The following CRISP1 variants were observed in gnomAD, a reference collection of about 807,000 sequenced individuals.
CRISP1 encodes the protein cysteine-rich secretory protein 1.
CRISP1 carries 44 observed loss-of-function variants against 33.1 expected under a neutral mutation model. That is an observed-to-expected ratio of 1.33 (90% CI 1.05 to 1.71). CRISP1 has a LOEUF of 1.71. CRISP1 is among the 40% of genes most tolerant of loss of function. CRISP1 has a pLI of 0.00. For synonymous variants in CRISP1, 103 were observed against 98.7 expected, an observed-to-expected ratio of 1.04 and a Z score of -0.26; for missense variants, 390 against 301.2, an observed-to-expected ratio of 1.29 and a Z score of -2.18.
At chr6:49,854,477 C>T (rs1771438614) in intron 2 of CRISP1, among the ~76,000 whole-genome samples, 1 of 152,162 alleles carries the variant, frequency 6.6e-6, no homozygotes, top group African/African-American at 2.4e-5. Flanking sequence ...AAGCGATTCT[C>T]CTGCCTCAGC....
intron 1 of CRISP1, 102 bp from the exon 2 acceptor site, chr6:49,857,504 C>A: frequency 9.1e-7 from 1 of 1,094,920 alleles, no homozygotes; most frequent in Non-Finnish European, 1.3e-6. Flanking sequence ...CATTTTTTTT[C>A]CTAAAAGAAA....
At chr6:49,871,671 T>C (rs1423527987) in intron 1 of CRISP1, among the ~76,000 whole-genome samples, 5 of 151,400 alleles carry the variant, frequency 3.3e-5, no homozygotes, top group Non-Finnish European at 1.5e-5. Flanking sequence ...GTCCTTGTGA[T>C]AGTTTGCTGA....
rs1770881279 is a variant in CRISP1 at position 49,838,578 on chromosome 6, A to T, written c.534-53T>A. 4.3e-6 allele frequency: 6 copies of T among 1,382,320 alleles called. No individual in the cohort carries two copies. In the Admixed American group the frequency reaches 5.4e-5, roughly 12 times the overall value. The allele number at this position is 1,382,320 out of a possible 1,614,324, so 85.6% of individuals were successfully genotyped here. On this transcript the variant is annotated intron_variant, in intron 6 of 7. Transcript: ENST00000335847. ...AACCCATCTTTGAAAAACTCACATA[A>T]AACTTTACTCACAGTGTACAACCAA...
At chr6:49,858,818 G>A (rs1208621426) in intron 1 of CRISP1, among the ~76,000 whole-genome samples, 1 of 151,992 alleles carries the variant, frequency 6.6e-6, no homozygotes, top group African/African-American at 2.4e-5. Context: ...GAGGGGAGGG[G>A]CTTCAAGAAA....
intron 1 of CRISP1, among the ~76,000 whole-genome samples, chr6:49,874,379 C>T (rs907258285): frequency 6.6e-6 from 1 of 152,032 alleles, no homozygotes; most frequent in Non-Finnish European, 1.5e-5. Context: ...ATTTTCTTCC[C>T]TTCATGTTCT....
chr6:49,846,715 T>C (rs749199173), intron 4 of CRISP1, 47 bp from the exon 5 acceptor site: 4 of 1,578,688 alleles, frequency 2.5e-6, no homozygotes, highest in Admixed American at 1.8e-5. Flanking sequence ...AAATGGGAAA[T>C]AGTATACAAG....
intron 3 of CRISP1, among the ~76,000 whole-genome samples, chr6:49,851,009 G>A (rs1272811352): frequency 1.3e-5 from 2 of 152,086 alleles, no homozygotes; most frequent in Non-Finnish European, 2.9e-5. Flanking sequence ...ATTGGGAGAA[G>A]GAAGTGAGTT....
intron 2 of CRISP1, among the ~76,000 whole-genome samples, chr6:49,853,421 A>T (rs1771408602): frequency 6.6e-6 from 1 of 152,130 alleles, no homozygotes; most frequent in South Asian, 2.1e-4. Flanking sequence ...TCTGAAGTCA[A>T]CTCAAAGGAC....
rs1770755311 is a variant in CRISP1, at chr6:49,835,428, T to C, written c.638A>G (p.Tyr213Cys). Residue 213 changes from tyrosine to cysteine, a missense_variant, in exon 8 of 8, where the codon TAC becomes TGC. Coordinates refer to ENST00000335847, the MANE Select transcript of CRISP1 (RefSeq NM_001131.3). ...EDKLCTNPCI[Y>C]YDEYFDCDIQ... The stretch of plus-strand genomic sequence containing the variant: ...GTCACAGTCGAAGTATTCATCATAG[T>C]AGATGCAGGGGTTAGCTGAAAGAAA... 2 of 1,613,678 alleles carry C rather than the reference T, an allele frequency of 1.2e-6. No homozygotes were observed. Among genetic ancestry groups the C allele is most frequent in the East Asian group, 4.5e-5 (2 of 44,836 alleles).
At chr6:49,854,768 G>A (rs1168833854) in intron 2 of CRISP1, among the ~76,000 whole-genome samples, 2 of 152,064 alleles carry the variant, frequency 1.3e-5, no homozygotes, top group Non-Finnish European at 2.9e-5. Flanking sequence ...TGCTGCTTAG[G>A]CATTAGGCAA....
chr6:49,850,014 C>T (rs987128307), intron 3 of CRISP1, among the ~76,000 whole-genome samples: 3 of 146,578 alleles, frequency 2.0e-5, no homozygotes, highest in East Asian at 2.0e-4. Flanking sequence ...AACCAAACAC[C>T]GCATATTCTC....
intron 1 of CRISP1, among the ~76,000 whole-genome samples, chr6:49,873,830 G>T (rs967784031): frequency 6.6e-6 from 1 of 151,962 alleles, no homozygotes; most frequent in African/African-American, 2.4e-5. Flanking sequence ...TTGACCTCCA[G>T]ATTTTATTTC....
At chr6:49,854,945 T>C (rs566739905) in intron 2 of CRISP1, among the ~76,000 whole-genome samples, 98 of 152,302 alleles carry the variant, frequency 6.4e-4, no homozygotes, top group African/African-American at 2.3e-3. Flanking sequence ...AAGGTTGAAG[T>C]TGGGAAACCC....
At chr6:49,856,288 G>C (rs935715818) in intron 2 of CRISP1, among the ~76,000 whole-genome samples, 1 of 152,156 alleles carries the variant, frequency 6.6e-6, no homozygotes, top group Non-Finnish European at 1.5e-5. Flanking sequence ...GTTTCTGACT[G>C]TTTGCCCTTT....
Position 49,834,897 on chromosome 6 carries a change from A to G in CRISP1, c.*419T>C, listed in dbSNP as rs942045469. On this transcript the variant is annotated 3_prime_UTR_variant, in exon 8 of 8. Transcript: ENST00000335847. Reference sequence around the variant, plus strand: ...ATTCCTTTAATGATTGATTTAAAGTAGAAGTAAAATTTTAAAAGTGAAGAA... The same window carrying G: ...ATTCCTTTAATGATTGATTTAAAGTGGAAGTAAAATTTTAAAAGTGAAGAA... 1 of 153,556 alleles carries G rather than the reference A, an allele frequency of 6.5e-6. No homozygotes were observed. The highest frequency in any genetic ancestry group is 1.9e-4 in the East Asian group (1 of 5,208). 9.5% of individuals were successfully genotyped at this position (153,556 alleles called of 1,614,324 possible). A position where few individuals can be genotyped will look rare whatever the true frequency, so the allele number is the denominator to read the frequency against.
At chr6:49,870,531 G>A (rs934759959), upstream of CRISP1, among the ~76,000 whole-genome samples, 2 of 152,128 alleles carry the variant, frequency 1.3e-5, no homozygotes, top group Non-Finnish European at 2.9e-5. Flanking sequence ...ACTTCTTCAG[G>A]TTGGGAAGTA....
chr6:49,868,379 A>T (rs553910827), upstream of CRISP1, among the ~76,000 whole-genome samples: 6 of 152,206 alleles, frequency 3.9e-5, no homozygotes, highest in Non-Finnish European at 8.8e-5. Context: ...AGCATATCAT[A>T]ACATGATAGA....
chr6:49,857,902 G>A (rs948657409), intron 1 of CRISP1, among the ~76,000 whole-genome samples: 1 of 152,082 alleles, frequency 6.6e-6, no homozygotes, highest in African/African-American at 2.4e-5. Flanking sequence ...AGCAGGAAAA[G>A]GTAAGGAAAC....
At chr6:49,843,177 C>A (rs1056048264) in intron 5 of CRISP1, among the ~76,000 whole-genome samples, 3 of 152,072 alleles carry the variant, frequency 2.0e-5, no homozygotes, top group African/African-American at 7.2e-5. Flanking sequence ...TTTTAGCTTT[C>A]TAGATATTTA....
Sources: gnomAD v4.1 joint callset for allele counts (sites outside exome capture counted in the v4.1 genomes callset) on GRCh38, gnomAD v4.1.1 for gene constraint, MANE v1.5 for transcripts, NCBI Gene and HGNC (gene_info 2026-07-23, HGNC 2026-07-21) for gene names.